MCM10: variants seen among roughly 807,000 people sequenced by gnomAD.
MCM10 encodes protein MCM10 homolog.
Under a neutral mutation model 109.9 loss-of-function variants are expected in MCM10, and 91 were observed. The observed-to-expected ratio is 0.83, with a 90% CI of 0.70 to 0.99. The LOEUF is 0.99. Ranked by LOEUF, MCM10 falls within the 50% of genes least tolerant of loss-of-function variation. MCM10 has a pLI of 0.00. For missense variants in MCM10, 1,077 were observed against 1,061.2 expected (o/e 1.01, Z -0.21); for synonymous variants, 380 against 387.2 (o/e 0.98, Z 0.22).
chr10:13,204,069 C>T (rs1834535718), intron 17 of MCM10, 150 bp from the exon 18 acceptor site: 1 of 766,970 alleles, frequency 1.3e-6, no homozygotes, highest in Non-Finnish European at 2.0e-6. Flanking sequence ...GTCACTGTAG[C>T]AAGAGGCGAA....
chr10:13,188,198 G>A (rs1358982929), intron 9 of MCM10, among the ~76,000 whole-genome samples: 1 of 152,074 alleles, frequency 6.6e-6, no homozygotes, highest in Non-Finnish European at 1.5e-5. Flanking sequence ...GAACAATGCT[G>A]CACCATCTCT....
chr10:13,168,252 C>T (rs967616279), intron 2 of MCM10, among the ~76,000 whole-genome samples: 1 of 152,214 alleles, frequency 6.6e-6, no homozygotes, highest in Non-Finnish European at 1.5e-5. Flanking sequence ...CTCTCTTGCA[C>T]TGTGCAGCCT....
intron 14 of MCM10, among the ~76,000 whole-genome samples, chr10:13,195,857 C>T (rs1251488644): frequency 6.6e-6 from 1 of 151,968 alleles, no homozygotes; most frequent in Non-Finnish European, 1.5e-5. Flanking sequence ...TCCACCTCGG[C>T]CTCCCAAAGT....
intron 18 of MCM10, among the ~76,000 whole-genome samples, chr10:13,206,542 A>G (rs895315181): frequency 6.6e-6 from 1 of 152,186 alleles, no homozygotes; most frequent in Non-Finnish European, 1.5e-5. Flanking sequence ...TCACTTTACC[A>G]GGAGCTGGCT....
chr10:13,202,948 G>A (rs61852867), intron 17 of MCM10, among the ~76,000 whole-genome samples: 31,743 of 152,032 alleles, frequency 0.21, 3,892 homozygotes, highest in African/African-American at 0.31. Flanking sequence ...TGGTTCAAGC[G>A]ATTCTCGTGT....
intron 2 of MCM10, among the ~76,000 whole-genome samples, chr10:13,167,732 G>C (rs1447380210): frequency 6.6e-6 from 1 of 152,198 alleles, no homozygotes; most frequent in Non-Finnish European, 1.5e-5. Context: ...TGATAAAGAA[G>C]ACATCAGGAA....
chr10:13,188,983 A>G lies in MCM10; in HGVS notation c.1318A>G (p.Lys440Glu), dbSNP rs1183760826. 1 of 1,614,226 alleles carries G rather than the reference A, an allele frequency of 6.2e-7. No individual in the cohort carries two copies. The highest frequency in any genetic ancestry group is 1.7e-5 in the Admixed American group (1 of 60,016). ...CACCTTCTCTGGAGGACGAATTCCA[A>G]AGAAGTTTGCCCGCAGAGGCACCAG... ...QSTFSGGRIP[K>E]KFARRGTSLK... The change falls in exon 10 of 20, where the codon AAG becomes GAG. Residue 440 changes from lysine (K) to glutamate (E), a missense_variant. Physicochemically the swap from Lys to Glu is moderately conservative, Grantham distance 56. Transcript: ENST00000378714.
intron 17 of MCM10, among the ~76,000 whole-genome samples, 157 bp from the exon 18 acceptor site, chr10:13,204,062 A>C (rs2277220): frequency 0.26 from 40,242 of 152,082 alleles, 5,636 homozygotes; most frequent in East Asian, 0.35. Context: ...CACACGGGTC[A>C]CTGTAGCAAG....
chr10:13,209,239 C>A lies in MCM10; in HGVS notation c.2554C>A (p.Pro852Thr). Residue 852 changes from proline to threonine, a missense_variant, in exon 20 of 20, where the codon CCA (proline) becomes ACA (threonine). Physicochemically the swap from Pro to Thr is conservative, Grantham distance 38. Coordinates refer to ENST00000378714, the MANE Select transcript of MCM10 (RefSeq NM_018518.5). ...TTCATTTTTCTAGGAAAAGACTGGT[C>A]CAAAGATAGGAGGAGAAACTCTGTT... ...RDGMLKEKTG[P>T]KIGGETLLPR... is the part of the protein sequence containing the mutation. 1 of 1,613,594 alleles carries A rather than the reference C, an allele frequency of 6.2e-7. No homozygotes were observed. The highest frequency in any genetic ancestry group is 1.1e-5 in the South Asian group (1 of 91,050).
In MCM10 at chr10:13,162,640, C is replaced by T. The variant is rs542087832; in HGVS notation, c.-76+1034C>T. Among the ~76,000 whole-genome samples, 15 of 152,186 alleles carry T rather than the reference C, an allele frequency of 9.9e-5. 1 individual carries two copies. In the South Asian group the frequency reaches 2.7e-3, roughly 27 times the overall value. The stretch of plus-strand genomic sequence containing the variant: ...GAGGGCGAGGGAGGGTGCACAGTTT[C>T]ATTTTGGGGGAAGGCAAGGCCGGTT... On this transcript the variant is annotated intron_variant, in intron 1 of 19. Coordinates refer to ENST00000378714, the MANE Select transcript of MCM10 (RefSeq NM_018518.5).
intron 14 of MCM10, among the ~76,000 whole-genome samples, chr10:13,196,808 C>A (rs11591358): frequency 1.3e-5 from 2 of 152,026 alleles, no homozygotes; most frequent in African/African-American, 4.8e-5. Context: ...CCACTGCGCC[C>A]GGCCAGGAAT....
At chr10:13,193,227 C>G (rs1834372458) in intron 13 of MCM10, among the ~76,000 whole-genome samples, 1 of 151,188 alleles carries the variant, frequency 6.6e-6, no homozygotes, top group Non-Finnish European at 1.5e-5. Flanking sequence ...AAGGACAAAA[C>G]TGAAGCACTA....
chr10:13,191,443 T>C (rs941128301), intron 11 of MCM10, 44 bp downstream of exon 11: 1 of 1,501,066 alleles, frequency 6.7e-7, no homozygotes. Context: ...CCAGTTTAAT[T>C]ATGCAGCCTT....
intron 11 of MCM10, among the ~76,000 whole-genome samples, chr10:13,191,701 T>A (rs1834349836): frequency 6.6e-6 from 1 of 152,164 alleles, no homozygotes; most frequent in South Asian, 2.1e-4. Context: ...TCAAGCCAGG[T>A]TTGCAGGACC....
rs60316855 is a variant in MCM10 at position 13,177,508 on chromosome 10, C to CTTTTTTTTTTTTTTTTTTTTTTTTT, written c.764+1850_764+1851insTTTTTTTTTTTTTTTTTTTTTTTTT. Among the ~76,000 whole-genome samples the CTTTTTTTTTTTTTTTTTTTTTTTTT allele has an allele frequency of 1.9e-5, 2 of 105,266 alleles. 1 individual carries two copies. Among genetic ancestry groups the CTTTTTTTTTTTTTTTTTTTTTTTTT allele is most frequent in the Non-Finnish European group, 3.6e-5 (2 of 55,330 alleles). The allele number at this position is 105,266 out of a possible 152,430, so 69.1% of individuals were successfully genotyped here. ...TGCTCAAAAGTTTTAGATTTTGGAG[C>CTTTTTTTTTTTTTTTTTTTTTTTTT]TTTTTTTTTTTTTTTTTTTTTTTAA... On this transcript the variant is annotated intron_variant, in intron 6 of 19. Coordinates refer to ENST00000378714, the MANE Select transcript of MCM10 (RefSeq NM_018518.5).
chr10:13,181,650 G>C (rs1036091902), intron 7 of MCM10, among the ~76,000 whole-genome samples: 2 of 152,022 alleles, frequency 1.3e-5, no homozygotes, highest in African/African-American at 4.8e-5. Context: ...TAACAAACCT[G>C]CACATCCTGC....
intron 10 of MCM10, among the ~76,000 whole-genome samples, chr10:13,189,858 A>C (rs566500486): frequency 6.6e-6 from 1 of 152,296 alleles, no homozygotes; most frequent in African/African-American, 2.4e-5. Context: ...GAGTCACTAC[A>C]GCCCCTGACG....
chr10:13,167,285 G>A (rs2131554369), intron 2 of MCM10, among the ~76,000 whole-genome samples: 1 of 152,294 alleles, frequency 6.6e-6, no homozygotes, highest in Admixed American at 6.5e-5. Context: ...ATTAGGGGCA[G>A]GGGGTGATGG....
In MCM10 at chr10:13,183,026, T is replaced by C; in HGVS notation, c.1024T>C (p.Trp342Arg). 6.2e-7 allele frequency: 1 copy of C among 1,614,166 alleles called. No individual in the cohort carries two copies. The highest frequency in any genetic ancestry group is 1.1e-5 in the South Asian group (1 of 91,076). Reference protein sequence around the residue: ...FLFGEVHKALWKTEQGTVVGI... With the variant: ...FLFGEVHKALRKTEQGTVVGI... ...ATTTGGAGAAGTTCACAAAGCGCTC[T>C]GGAAGACGGAGCAGGGGACTGTCGT... The change falls in exon 8 of 20, where the codon TGG becomes CGG. Residue 342 changes from tryptophan to arginine, a missense_variant. Coordinates refer to ENST00000378714, the MANE Select transcript of MCM10 (RefSeq NM_018518.5).
Sources: allele counts gnomAD v4.1 joint callset (sites outside exome capture counted in the v4.1 genomes callset), GRCh38; gene constraint gnomAD v4.1.1; transcripts MANE v1.5; gene names NCBI Gene and HGNC (gene_info 2026-07-23, HGNC 2026-07-21).